Variants in SLC44A5 observed in about 807,000 individuals in gnomAD.
SLC44A5 encodes solute carrier family 44 member 5, also known as choline transporter-like protein 5.
Under a neutral mutation model 101.8 loss-of-function variants are expected in SLC44A5, and 57 were observed. That is an observed-to-expected ratio of 0.56 (90% CI 0.45 to 0.70). The LOEUF (loss-of-function observed/expected upper bound fraction) is 0.70. Among genes scored for constraint, SLC44A5 ranks in the 30% least tolerant of loss-of-function variants. SLC44A5 has a pLI of 0.00. For missense variants in SLC44A5, 737 were observed against 853.1 expected, an observed-to-expected ratio of 0.86 and a Z score of 1.70; for synonymous variants, 281 against 290.9, an observed-to-expected ratio of 0.97 and a Z score of 0.35.
chr1:75,684,382 C>G, the SLC44A5 span, among the ~76,000 whole-genome samples: 574 of 152,252 alleles, frequency 3.8e-3, 4 homozygotes, highest in African/African-American at 0.013. Context: ...AGTTTTAACT[C>G]ATTTCAGTAT....
the SLC44A5 span, among the ~76,000 whole-genome samples, chr1:75,660,139 T>A: frequency 6.6e-6 from 1 of 151,828 alleles, no homozygotes; most frequent in African/African-American, 2.4e-5. Flanking sequence ...AGGAGGCAAA[T>A]GTTGCAGTGA....
intron 2 of SLC44A5, among the ~76,000 whole-genome samples, chr1:75,443,968 A>G (rs903749660): frequency 2.6e-5 from 4 of 152,136 alleles, no homozygotes; most frequent in Non-Finnish European, 5.9e-5. Context: ...GTCAAAGAAC[A>G]ATTATACATA....
At chr1:75,482,538 T>C (rs1220945198) in intron 2 of SLC44A5, among the ~76,000 whole-genome samples, 1 of 152,190 alleles carries the variant, frequency 6.6e-6, no homozygotes, top group African/African-American at 2.4e-5. Context: ...TGGCACACAC[T>C]ATATTAGCTG....
chr1:75,597,164 G>C (rs1216298859), intron 1 of SLC44A5, among the ~76,000 whole-genome samples: 1 of 149,060 alleles, frequency 6.7e-6, no homozygotes, highest in African/African-American at 2.5e-5. Flanking sequence ...CTCCAGCCTG[G>C]GCAATAGAGC....
At chr1:75,300,715 A>C (rs545225759) in intron 4 of SLC44A5, 30 bp from the exon 5 acceptor site, 7 of 1,479,032 alleles carry the variant, frequency 4.7e-6, no homozygotes, top group African/African-American at 4.2e-5. Context: ...TAAATAATTA[A>C]AAGAGGTCCC....
At chr1:75,384,426 A>G (rs1661147369) in intron 3 of SLC44A5, among the ~76,000 whole-genome samples, 1 of 138,850 alleles carries the variant, frequency 7.2e-6, no homozygotes, top group Non-Finnish European at 1.5e-5. Context: ...GATAAAACAG[A>G]CTTCAAACCA....
intron 3 of SLC44A5, among the ~76,000 whole-genome samples, chr1:75,345,347 T>G (rs1219107049): frequency 6.6e-6 from 1 of 152,148 alleles, no homozygotes; most frequent in Non-Finnish European, 1.5e-5. Context: ...ATAAGCAGTA[T>G]GATCTTGGGA....
intron 2 of SLC44A5, among the ~76,000 whole-genome samples, chr1:75,462,070 G>T (rs1666531689): frequency 6.6e-6 from 1 of 152,226 alleles, no homozygotes; most frequent in Non-Finnish European, 1.5e-5. Context: ...AGTTAAGCAG[G>T]CCTTGGGCAA....
At chr1:75,326,979 A>G (rs1422421090) in intron 4 of SLC44A5, among the ~76,000 whole-genome samples, 1 of 152,124 alleles carries the variant, frequency 6.6e-6, no homozygotes, top group Non-Finnish European at 1.5e-5. Flanking sequence ...GGAAGAAAAC[A>G]TTAAGAAATA....
chr1:75,262,444 C>T (rs147388923), intron 6 of SLC44A5, among the ~76,000 whole-genome samples: 3,024 of 152,182 alleles, frequency 0.02, 38 homozygotes, highest in Non-Finnish European at 0.032. Flanking sequence ...AGCATCTCTT[C>T]GAGGAGAACT....
At chr1:75,701,272 A>G in the SLC44A5 span, among the ~76,000 whole-genome samples, 1 of 152,210 alleles carries the variant, frequency 6.6e-6, no homozygotes, top group Non-Finnish European at 1.5e-5. Flanking sequence ...ATACTGGCAA[A>G]CCAAATCCAG....
At chr1:75,712,713 A>AAAAATAAAAAAAAAAAAAAAAAAAAAAC in the SLC44A5 span, among the ~76,000 whole-genome samples, 4 of 110,640 alleles carry the variant, frequency 3.6e-5, no homozygotes, top group African/African-American at 7.0e-5. Flanking sequence ...AAAAAAAAAA[A>AAAAATAAAAAAAAAAAAAAAAAAAAAAC]ATGGAAAAGA....
At chr1:75,612,095 T>C (rs948706936), upstream of SLC44A5, among the ~76,000 whole-genome samples, 2 of 152,180 alleles carry the variant, frequency 1.3e-5, no homozygotes, top group Non-Finnish European at 2.9e-5. Flanking sequence ...ATGCTATCAA[T>C]ATCTCAGCCT....
At chr1:75,626,157 C>T in the SLC44A5 span, among the ~76,000 whole-genome samples, 110,053 of 152,090 alleles carry the variant, frequency 0.72, 40,176 homozygotes, top group East Asian at 0.96. Flanking sequence ...TTATTTAGAG[C>T]AGAATCAAGC....
intron 1 of SLC44A5, among the ~76,000 whole-genome samples, chr1:75,560,973 A>G (rs1373227028): frequency 6.6e-6 from 1 of 152,182 alleles, no homozygotes; most frequent in African/African-American, 2.4e-5. Context: ...AAAAGTCCTA[A>G]TAATAAGGTT....
chr1:75,705,692 G>A, the SLC44A5 span, among the ~76,000 whole-genome samples: 1 of 151,930 alleles, frequency 6.6e-6, no homozygotes, highest in South Asian at 2.1e-4. Context: ...TTGTTTGTTT[G>A]TTTGAGACAG....
At chr1:75,351,430 A>T (rs1658648814) in intron 3 of SLC44A5, among the ~76,000 whole-genome samples, 1 of 152,164 alleles carries the variant, frequency 6.6e-6, no homozygotes, top group South Asian at 2.1e-4. Flanking sequence ...TCAGATAGAA[A>T]AGCCTGAAGT....
chr1:75,235,548 A>T (rs1448264296), intron 11 of SLC44A5, among the ~76,000 whole-genome samples: 1 of 152,006 alleles, frequency 6.6e-6, no homozygotes, highest in African/African-American at 2.4e-5. Flanking sequence ...ATAGACTACA[A>T]TCTCTGCTGG....
intron 1 of SLC44A5, among the ~76,000 whole-genome samples, chr1:75,552,807 T>G (rs1055684046): frequency 6.6e-6 from 1 of 152,144 alleles, no homozygotes; most frequent in Admixed American, 6.6e-5. Flanking sequence ...TATTTTTTGG[T>G]GGCATACTTT....
Sources: allele counts gnomAD v4.1 joint callset (sites outside exome capture counted in the v4.1 genomes callset), GRCh38; gene constraint gnomAD v4.1.1; transcripts MANE v1.5; gene names NCBI Gene and HGNC (gene_info 2026-07-23, HGNC 2026-07-21).